The following CPED1 variants were observed in gnomAD, a reference collection of about 807,000 sequenced individuals.
The protein encoded by CPED1 is cadherin-like and PC-esterase domain-containing protein 1.
CPED1 carries 114 observed loss-of-function variants against 128.2 expected under a neutral mutation model. The observed-to-expected ratio is 0.89, with a 90% CI of 0.76 to 1.04. CPED1 has a LOEUF of 1.04. Among genes scored for constraint, CPED1 ranks in the 50% least tolerant of loss-of-function variants. The pLI, the probability that CPED1 is intolerant of heterozygous loss-of-function variation, is 0.00. For missense variants in CPED1, 1,211 were observed against 1,207.1 expected (o/e 1.00, Z -0.05); for synonymous variants, 462 against 426.7 (o/e 1.08, Z -1.02).
At chr7:121,287,789 A>T (rs187384988) in intron 22 of CPED1, among the ~76,000 whole-genome samples, 1 of 152,118 alleles carries the variant, frequency 6.6e-6, no homozygotes, top group African/African-American at 2.4e-5. Context: ...GCATTTGTTC[A>T]TGTGCTTTTT....
intron 14 of CPED1, among the ~76,000 whole-genome samples, chr7:121,136,313 C>A (rs1795782204): frequency 6.6e-6 from 1 of 151,998 alleles, no homozygotes. Flanking sequence ...GACTTCCAAA[C>A]CCACTTTGAA....
chr7:121,043,637 C>A (rs1585035822), intron 3 of CPED1, among the ~76,000 whole-genome samples: 1 of 152,126 alleles, frequency 6.6e-6, no homozygotes, highest in East Asian at 1.9e-4. Flanking sequence ...AGAGACAGAG[C>A]CCAAGCAGAG....
chr7:121,152,226 A>G (rs1230609378), intron 16 of CPED1, among the ~76,000 whole-genome samples: 2 of 151,786 alleles, frequency 1.3e-5, no homozygotes, highest in African/African-American at 4.8e-5. Flanking sequence ...CTGGGTTTTT[A>G]CCTCCTCCAC....
At chr7:121,280,027 T>G (rs1175685469) in intron 22 of CPED1, among the ~76,000 whole-genome samples, 1 of 152,098 alleles carries the variant, frequency 6.6e-6, no homozygotes, top group Non-Finnish European at 1.5e-5. Flanking sequence ...TACAGTGAAG[T>G]CATCAGTTGG....
intron 22 of CPED1, among the ~76,000 whole-genome samples, chr7:121,279,179 T>C (rs767368637): frequency 2.0e-5 from 3 of 152,138 alleles, no homozygotes; most frequent in Non-Finnish European, 4.4e-5. Context: ...TCCCAAAAGT[T>C]CTTACACTAA....
At chr7:121,153,891 AAGTT>A (rs1453206204) in intron 16 of CPED1, among the ~76,000 whole-genome samples, 3 of 152,176 alleles carry the variant, frequency 2.0e-5, no homozygotes, top group African/African-American at 7.2e-5. Context: ...AAATAAGAAA[AAGTT>A]AGGTATGTCA....
In CPED1 at chr7:121,232,876, A is replaced by C. The variant is rs550920156; in HGVS notation, c.2056-3838A>C. On this transcript the variant is annotated intron_variant, in intron 16 of 22. Coordinates refer to ENST00000310396, the MANE Select transcript of CPED1 (RefSeq NM_024913.5). ...CTCAGAGAAATAATTCCATGGGGTC[A>C]ATAGAAGTAGGTAAGATTTAAAGAC... Among the ~76,000 whole-genome samples the C allele has an allele frequency of 2.8e-4, 42 of 152,268 alleles. No individual in the cohort carries two copies. In the South Asian group the frequency reaches 7.5e-3, roughly 27 times the overall value.
chr7:120,997,903 C>A (rs1796434150), intron 2 of CPED1, among the ~76,000 whole-genome samples: 1 of 147,748 alleles, frequency 6.8e-6, no homozygotes, highest in African/African-American at 2.5e-5. Context: ...GCCTGGGTAA[C>A]AAGAGCAAAA....
intron 16 of CPED1, among the ~76,000 whole-genome samples, chr7:121,169,165 G>A (rs1474334744): frequency 6.6e-6 from 1 of 152,148 alleles, no homozygotes; most frequent in Non-Finnish European, 1.5e-5. Context: ...ACATTAAATA[G>A]GTTCCGAGTC....
At chr7:121,151,786 G>T (rs1345991836) in intron 16 of CPED1, among the ~76,000 whole-genome samples, 8 of 152,124 alleles carry the variant, frequency 5.3e-5, no homozygotes, top group Non-Finnish European at 1.5e-5. Context: ...CTTTCAGCAG[G>T]CTATAACAAA....
chr7:121,073,458 C>T (rs1794043424), intron 5 of CPED1, among the ~76,000 whole-genome samples: 1 of 152,124 alleles, frequency 6.6e-6, no homozygotes. Flanking sequence ...TAATTTCTGT[C>T]TGACTTTTTT....
chr7:121,126,656 T>C (rs1439643403), intron 9 of CPED1, among the ~76,000 whole-genome samples: 2 of 152,142 alleles, frequency 1.3e-5, no homozygotes, highest in Non-Finnish European at 2.9e-5. Flanking sequence ...ATACATTTGG[T>C]TAAATAATTC....
At chr7:120,995,437 A>G (rs1796381526) in intron 2 of CPED1, among the ~76,000 whole-genome samples, 1 of 152,150 alleles carries the variant, frequency 6.6e-6, no homozygotes, top group African/African-American at 2.4e-5. Flanking sequence ...ACAGGTAGAC[A>G]TTTCCAACCT....
intron 13 of CPED1, 39 bp downstream of exon 13, chr7:121,133,932 AT>A (rs1290212049): frequency 2.0e-5 from 26 of 1,285,914 alleles, no homozygotes; most frequent in Non-Finnish European, 2.8e-5. Context: ...CAACATAAAA[AT>A]AAGTATTTCC....
intron 5 of CPED1, among the ~76,000 whole-genome samples, 175 bp from the exon 6 acceptor site, chr7:121,097,524 G>C (rs550420966): frequency 3.8e-4 from 58 of 152,250 alleles, no homozygotes; most frequent in Admixed American, 3.7e-3. Context: ...GCAAACAAAG[G>C]CCTCTCTAAA....
intron 5 of CPED1, among the ~76,000 whole-genome samples, chr7:121,089,374 TA>T (rs1794522891): frequency 6.6e-6 from 1 of 152,174 alleles, no homozygotes; most frequent in African/African-American, 2.4e-5. Context: ...GAAATAGAGG[TA>T]AATTAACAGG....
At chr7:121,200,896 G>T (rs1797380415) in intron 16 of CPED1, among the ~76,000 whole-genome samples, 1 of 152,016 alleles carries the variant, frequency 6.6e-6, no homozygotes, top group South Asian at 2.1e-4. Context: ...GGGTCTCTCA[G>T]ACATTCAACC....
At chr7:121,113,688 A>G (rs935827783) in intron 7 of CPED1, among the ~76,000 whole-genome samples, 9 of 152,206 alleles carry the variant, frequency 5.9e-5, no homozygotes, top group African/African-American at 2.2e-4. Flanking sequence ...GAGACACAGG[A>G]TTTGTGGAGT....
chr7:121,060,808 G>A (rs995327722), intron 4 of CPED1, among the ~76,000 whole-genome samples: 6 of 152,202 alleles, frequency 3.9e-5, no homozygotes, highest in Admixed American at 3.9e-4. Flanking sequence ...TTCACGTTGT[G>A]GAAGCTTTGT....
Sources: allele counts gnomAD v4.1 joint callset (sites outside exome capture counted in the v4.1 genomes callset), GRCh38; gene constraint gnomAD v4.1.1; transcripts MANE v1.5; gene names NCBI Gene and HGNC (gene_info 2026-07-23, HGNC 2026-07-21).